CNTNAP5: variants seen among roughly 807,000 people sequenced by gnomAD.
CNTNAP5 encodes contactin-associated protein-like 5.
A neutral mutation model predicts 150.2 loss-of-function variants in CNTNAP5; 72 were observed. The ratio of observed to expected loss-of-function variants is 0.48; its 90% CI spans 0.40 to 0.58. The LOEUF (loss-of-function observed/expected upper bound fraction) is 0.58. Among genes scored for constraint, CNTNAP5 ranks in the 20% least tolerant of loss-of-function variants. CNTNAP5 has a pLI of 0.00. For synonymous variants in CNTNAP5, 672 were observed against 619.8 expected, an observed-to-expected ratio of 1.08 and a Z score of -1.25; for missense variants, 1,636 against 1,626.2, an observed-to-expected ratio of 1.01 and a Z score of -0.10.
At chr2:124,704,142 A>G (rs778395833) in intron 13 of CNTNAP5, among the ~76,000 whole-genome samples, 4 of 152,214 alleles carry the variant, frequency 2.6e-5, no homozygotes, top group Admixed American at 2.6e-4. Context: ...TGAAGATAAC[A>G]TACCGGATTT....
At chr2:124,039,257 T>G (rs1418376649) in intron 1 of CNTNAP5, among the ~76,000 whole-genome samples, 2 of 152,122 alleles carry the variant, frequency 1.3e-5, no homozygotes, top group Non-Finnish European at 2.9e-5. Context: ...CCTTGGGACC[T>G]CCTCCAAAAA....
intron 1 of CNTNAP5, among the ~76,000 whole-genome samples, chr2:124,192,296 G>A (rs977364431): frequency 3.3e-5 from 5 of 152,054 alleles, no homozygotes; most frequent in Non-Finnish European, 7.4e-5. Flanking sequence ...ACCACAGTTG[G>A]CCTCTTCTCC....
chr2:124,094,179 T>C (rs1302487661), intron 1 of CNTNAP5, among the ~76,000 whole-genome samples: 5 of 152,234 alleles, frequency 3.3e-5, no homozygotes, highest in African/African-American at 1.2e-4. Flanking sequence ...TTTTTTCTTT[T>C]CAGCAAAGGG....
intron 18 of CNTNAP5, among the ~76,000 whole-genome samples, chr2:124,791,357 G>A (rs1025479601): frequency 1.7e-4 from 26 of 152,200 alleles, no homozygotes; most frequent in African/African-American, 4.1e-4. Context: ...CGGGCTAACC[G>A]CATGGAAGCT....
intron 19 of CNTNAP5, among the ~76,000 whole-genome samples, chr2:124,834,165 A>G (rs2104684654): frequency 6.6e-6 from 1 of 152,260 alleles, no homozygotes; most frequent in South Asian, 2.1e-4. Context: ...TTGCTGATAA[A>G]TTGGCAGAAC....
At chr2:124,434,368 C>A in intron 4 of CNTNAP5, 116 bp from the exon 5 acceptor site, 1 of 790,050 alleles carries the variant, frequency 1.3e-6, no homozygotes, top group Non-Finnish European at 2.2e-6. Context: ...TGAGACTAGA[C>A]CTGGCAGATC....
At chr2:124,131,901 T>C (rs1358295279) in intron 1 of CNTNAP5, among the ~76,000 whole-genome samples, 1 of 152,168 alleles carries the variant, frequency 6.6e-6, no homozygotes, top group Non-Finnish European at 1.5e-5. Flanking sequence ...TGTCTTGGCA[T>C]TGTGCCTCAG....
chr2:124,346,770 A>G (rs1689745398), intron 3 of CNTNAP5, among the ~76,000 whole-genome samples: 1 of 151,438 alleles, frequency 6.6e-6, no homozygotes, highest in Admixed American at 6.6e-5. Flanking sequence ...TGCATACAGT[A>G]TTATTAAAAT....
chr2:124,036,059 G>A (rs1283381477), intron 1 of CNTNAP5, among the ~76,000 whole-genome samples: 1 of 150,538 alleles, frequency 6.6e-6, no homozygotes, highest in Non-Finnish European at 1.5e-5. Flanking sequence ...CGAGTAGCTG[G>A]GACTACAGGC....
chr2:124,333,777 T>C (rs1689406788), intron 3 of CNTNAP5, among the ~76,000 whole-genome samples: 1 of 152,178 alleles, frequency 6.6e-6, no homozygotes, highest in Non-Finnish European at 1.5e-5. Context: ...TGGGGCCTAA[T>C]ACTTATACAT....
Position 124,464,500 on chromosome 2 carries a change from G to A in CNTNAP5, c.919-10239G>A, listed in dbSNP as rs146753097. ...GGCTCCAAAGTCGAAGCAAAAATAA[G>A]GCATGATATGTACTACGAGCATATT... On this transcript the variant is annotated intron_variant, in intron 6 of 23. Transcript: ENST00000682447. 2.8e-3 allele frequency among the ~76,000 whole-genome samples: 423 copies of A among 152,236 alleles called. 3 individuals are homozygous for A. The highest frequency in any genetic ancestry group is 9.9e-3 in the African/African-American group (410 of 41,558).
At chr2:124,723,951 CT>C (rs34135434) in intron 13 of CNTNAP5, among the ~76,000 whole-genome samples, 38,550 of 151,770 alleles carry the variant, frequency 0.25, 5,526 homozygotes, top group Non-Finnish European at 0.34. Context: ...TGAGGCCATC[CT>C]GGCAAAACAT....
At chr2:124,569,007 C>T (rs1010923348) in intron 11 of CNTNAP5, among the ~76,000 whole-genome samples, 1 of 152,062 alleles carries the variant, frequency 6.6e-6, no homozygotes, top group African/African-American at 2.4e-5. Context: ...AAGATCGCGC[C>T]ACTGCACTCC....
At chr2:124,233,038 TG>T (rs1263207421) in intron 2 of CNTNAP5, among the ~76,000 whole-genome samples, 2 of 90,032 alleles carry the variant, frequency 2.2e-5, no homozygotes, top group Non-Finnish European at 4.8e-5. Context: ...TTTGTATCTG[TG>T]GGTTTTTTTT....
At chr2:124,834,583 CAG>C (rs1682790383) in intron 19 of CNTNAP5, among the ~76,000 whole-genome samples, 1 of 152,034 alleles carries the variant, frequency 6.6e-6, no homozygotes, top group Admixed American at 6.6e-5. Flanking sequence ...GCAATGGAGA[CAG>C]GGGCTGGTGT....
At chr2:124,290,966 A>G (rs895481719) in intron 3 of CNTNAP5, among the ~76,000 whole-genome samples, 1 of 151,998 alleles carries the variant, frequency 6.6e-6, no homozygotes, top group Non-Finnish European at 1.5e-5. Flanking sequence ...TGTGAATAGG[A>G]AATGAAATAG....
chr2:124,827,784 A>T (rs753834740), intron 19 of CNTNAP5, among the ~76,000 whole-genome samples: 7 of 152,166 alleles, frequency 4.6e-5, no homozygotes, highest in African/African-American at 7.2e-5. Context: ...ATTAATGCTT[A>T]TTGTATGCCA....
At chr2:124,174,930 A>G (rs1558787046) in intron 1 of CNTNAP5, among the ~76,000 whole-genome samples, 1 of 152,208 alleles carries the variant, frequency 6.6e-6, no homozygotes, top group Non-Finnish European at 1.5e-5. Flanking sequence ...AACAACACTG[A>G]GGCAAGACCC....
Position 124,921,119 on chromosome 2 carries a change from C to A in CNTNAP5, c.*6831C>A, listed in dbSNP as rs2104778056. 6.6e-6 allele frequency among the ~76,000 whole-genome samples: 1 copy of A among 152,148 alleles called. No individual in the cohort carries two copies. Among genetic ancestry groups the A allele is most frequent in the South Asian group, 2.1e-4 (1 of 4,826 alleles). On this transcript the variant is annotated 3_prime_UTR_variant, in exon 24 of 24. Coordinates refer to ENST00000682447, the MANE Select transcript of CNTNAP5 (RefSeq NM_001367498.1). ...AAAAATAAAAGTTAGCCTTAGATTT[C>A]TTTGTTTTCTATGGTTATTGTTGTA...
Sources: gnomAD v4.1 joint callset for allele counts (sites outside exome capture counted in the v4.1 genomes callset) on GRCh38, gnomAD v4.1.1 for gene constraint, MANE v1.5 for transcripts, NCBI Gene and HGNC (gene_info 2026-07-23, HGNC 2026-07-21) for gene names.